Variants in ANKRD18B observed in about 807,000 individuals in gnomAD.
ANKRD18B encodes ankyrin repeat domain-containing protein 18B.
ANKRD18B carries 75 observed loss-of-function variants against 111.8 expected under a neutral mutation model. The ratio of observed to expected loss-of-function variants is 0.67; its 90% confidence interval spans 0.56 to 0.81. The LOEUF is 0.81. Among genes scored for constraint, ANKRD18B ranks in the 40% least tolerant of loss-of-function variants. The pLI is 0.00. For missense variants in ANKRD18B, 1,038 were observed against 1,225.5 expected, an observed-to-expected ratio of 0.85 and a Z score of 2.28; for synonymous variants, 356 against 417.3, an observed-to-expected ratio of 0.85 and a Z score of 1.79.
At chr9:33,553,515 A>G (rs1563905415) in intron 12 of ANKRD18B, among the ~76,000 whole-genome samples, 1 of 152,174 alleles carries the variant, frequency 6.6e-6, no homozygotes, top group Non-Finnish European at 1.5e-5. Flanking sequence ...TAACTTCTCC[A>G]GAAGGTTCTT....
intron 11 of ANKRD18B, 103 bp from the exon 12 acceptor site, chr9:33,550,327 T>C: frequency 8.5e-7 from 1 of 1,172,738 alleles, no homozygotes. Context: ...AGTGAATCTG[T>C]GTGTGTGGTA....
chr9:33,524,392 G>GA lies in ANKRD18B; in HGVS notation c.-97dup, dbSNP rs1803299191. On this transcript the variant is annotated 5_prime_UTR_variant, in exon 1 of 19. Coordinates refer to ENST00000684830, the MANE Select transcript of ANKRD18B (RefSeq NM_001393611.1). ...ATTTAGGGGTGGATCGCTGGGTGGG[G>GA]AGGGGGATCTCGAATTTGGAGCTGG... The GA allele has an allele frequency of 7.2e-7, 1 of 1,397,660 alleles. No homozygotes were observed. The allele number at this position is 1,397,660 out of a possible 1,614,324, so 86.6% of individuals were successfully genotyped here. A position where few individuals can be genotyped will look rare whatever the true frequency, so the allele number is the denominator to read the frequency against.
intron 1 of ANKRD18B, among the ~76,000 whole-genome samples, chr9:33,526,397 C>T (rs1828026376): frequency 6.6e-6 from 1 of 152,102 alleles, no homozygotes; most frequent in Non-Finnish European, 1.5e-5. Context: ...TGAGGAAAAA[C>T]AAATCAGTTT....
chr9:33,573,732 G>A (rs1215289812), downstream of ANKRD18B, among the ~76,000 whole-genome samples: 1 of 145,006 alleles, frequency 6.9e-6, no homozygotes, highest in Non-Finnish European at 1.6e-5. Flanking sequence ...GCATTGTAAT[G>A]AGACTTTGAA....
Position 33,567,311 on chromosome 9 carries a change from C to T in ANKRD18B, c.2951C>T (p.Thr984Met), listed in dbSNP as rs375481020. Residue 984 changes from threonine (T) to methionine (M), a missense_variant, in exon 16 of 19, where the codon ACG (threonine) becomes ATG (methionine). By Grantham distance (81) the Thr-to-Met change is moderately conservative. Transcript: ENST00000684830. ...KANSSMSEKI[T>M]KSDKKIAVIS... is the part of the protein sequence containing the mutation. ...AACAGTTCCATGTCAGAAAAAATAA[C>T]GAAGTAAGTCAAAACATATACTCAT... The T allele has an allele frequency of 1.2e-5, 18 of 1,539,556 alleles. No individual in the cohort carries two copies. The highest frequency in any genetic ancestry group is 1.6e-5 in the Non-Finnish European group (18 of 1,143,862).
intron 3 of ANKRD18B, among the ~76,000 whole-genome samples, chr9:33,531,189 A>G (rs2985594): frequency 0.11 from 16,037 of 152,212 alleles, 1,065 homozygotes; most frequent in South Asian, 0.21. Context: ...AAAATTATAT[A>G]CACATAGATT....
At chr9:33,527,556 G>A (rs1471622599) in intron 1 of ANKRD18B, among the ~76,000 whole-genome samples, 1 of 152,214 alleles carries the variant, frequency 6.6e-6, no homozygotes, top group African/African-American at 2.4e-5. Context: ...TCCTGACCTA[G>A]AGATCCACCC....
chr9:33,546,742 G>A (rs757761977), intron 10 of ANKRD18B, among the ~76,000 whole-genome samples: 3 of 152,078 alleles, frequency 2.0e-5, no homozygotes, highest in Non-Finnish European at 4.4e-5. Flanking sequence ...GAAATGCTAG[G>A]CAATGCCACC....
downstream of ANKRD18B, among the ~76,000 whole-genome samples, chr9:33,574,865 T>A (rs1828838138): frequency 6.6e-6 from 1 of 152,196 alleles, no homozygotes; most frequent in Admixed American, 6.5e-5. Context: ...GTGGGTTGTG[T>A]CATCCCACGA....
intron 6 of ANKRD18B, among the ~76,000 whole-genome samples, chr9:33,537,776 T>C (rs1218034154): frequency 6.6e-6 from 1 of 152,246 alleles, no homozygotes; most frequent in African/African-American, 2.4e-5. Context: ...CTGGAAACTT[T>C]ACTGATAACA....
At chr9:33,573,356 C>T, downstream of ANKRD18B, 9 of 953,574 alleles carry the variant, frequency 9.4e-6, no homozygotes, top group Non-Finnish European at 1.1e-5. Flanking sequence ...CTGGCTCAGC[C>T]TCAAGGGTTC....
chr9:33,525,841 T>C (rs1225253587), intron 1 of ANKRD18B, among the ~76,000 whole-genome samples: 1 of 149,984 alleles, frequency 6.7e-6, no homozygotes, highest in African/African-American at 2.4e-5. Flanking sequence ...TATATATTAC[T>C]GATTATATGT....
intron 16 of ANKRD18B, 86 bp downstream of exon 16, chr9:33,567,400 A>T: frequency 8.5e-7 from 1 of 1,178,380 alleles, no homozygotes; most frequent in Admixed American, 3.1e-5. Flanking sequence ...TGGCTTCAGG[A>T]GATCAGTAGG....
chr9:33,529,626 C>A (rs1166991360), intron 3 of ANKRD18B, among the ~76,000 whole-genome samples: 2 of 152,144 alleles, frequency 1.3e-5, no homozygotes, highest in African/African-American at 4.8e-5. Context: ...AAAAGGAGAG[C>A]AATCAAAAAC....
chr9:33,543,796 A>C (rs1828317881), intron 10 of ANKRD18B, among the ~76,000 whole-genome samples: 1 of 152,232 alleles, frequency 6.6e-6, no homozygotes. Context: ...TATGCTTTCC[A>C]GAATGGGACT....
intron 10 of ANKRD18B, among the ~76,000 whole-genome samples, chr9:33,547,372 C>A (rs911883099): frequency 6.6e-6 from 1 of 152,040 alleles, no homozygotes; most frequent in Non-Finnish European, 1.5e-5. Flanking sequence ...GTGCTTAGTA[C>A]AATGTCTAGA....
At chr9:33,527,013 A>T (rs1828033942) in intron 1 of ANKRD18B, among the ~76,000 whole-genome samples, 1 of 152,220 alleles carries the variant, frequency 6.6e-6, no homozygotes, top group Non-Finnish European at 1.5e-5. Context: ...TTCCATACTT[A>T]AAAACTTTAT....
In ANKRD18B at chr9:33,548,079, A is replaced by G; in HGVS notation, c.1291A>G (p.Lys431Glu). Residue 431 changes from lysine (K) to glutamate (E), a missense_variant, in exon 11 of 19, where the codon AAA (lysine) becomes GAA (glutamate). Lys to Glu is a moderately conservative substitution (Grantham distance 56, BLOSUM62 1). Around this residue, in one of 4 missense-constraint regions of ANKRD18B, gnomAD observed 205 missense variants for 201.3 expected, o/e 1.02. Transcript: ENST00000684830. The part of the protein sequence containing the change: ...RKEKKYIQEI[K>E]SITEINANFE... ...GGAAAAGAAATATATTCAGGAAATT[A>G]AAAGTATTACAGAAATAAATGCTAA... 1.3e-6 allele frequency: 2 copies of G among 1,536,802 alleles called. No individual in the cohort carries two copies. The highest frequency in any genetic ancestry group is 1.8e-6 in the Non-Finnish European group (2 of 1,142,466).
intron 14 of ANKRD18B, among the ~76,000 whole-genome samples, chr9:33,560,995 C>A (rs1488837950): frequency 6.6e-6 from 1 of 152,098 alleles, no homozygotes; most frequent in East Asian, 1.9e-4. Flanking sequence ...CTGCTGTAAA[C>A]ATTTATGTAT....
Sources: gnomAD v4.1 joint callset for allele counts (sites outside exome capture counted in the v4.1 genomes callset) on GRCh38, gnomAD v4.1.1 for gene constraint, gnomAD v4.1.1 regional missense constraint, MANE v1.5 for transcripts, NCBI Gene and HGNC (gene_info 2026-07-23, HGNC 2026-07-21) for gene names.